The following SMAD3 variants were observed in gnomAD, a reference collection of about 807,000 sequenced individuals.
The protein encoded by SMAD3 is SMAD family member 3, also known as MAD homolog 3.
SMAD3 carries 12 observed loss-of-function variants against 51.8 expected under a neutral mutation model. That is an observed-to-expected ratio of 0.23 (90% CI 0.15 to 0.38). SMAD3 has a LOEUF of 0.38. SMAD3 is among the 10% of genes least tolerant of loss of function. SMAD3 has a pLI of 1.00. For synonymous variants in SMAD3, 238 were observed against 227.7 expected, an observed-to-expected ratio of 1.05 and a Z score of -0.41; for missense variants, 294 against 565.6, an observed-to-expected ratio of 0.52 and a Z score of 4.87.
At chr15:67,187,341 G>A (rs1274428367) in intron 7 of SMAD3, 24 bp from the exon 8 acceptor site, 2 of 1,614,164 alleles carry the variant, frequency 1.2e-6, no homozygotes, top group East Asian at 2.2e-5. Flanking sequence ...CATCCCCACA[G>A]CCCTGTTTCT....
At chr15:67,189,121 G>A (rs1013143950) in intron 8 of SMAD3, among the ~76,000 whole-genome samples, 4 of 152,226 alleles carry the variant, frequency 2.6e-5, no homozygotes, top group Admixed American at 6.5e-5. Flanking sequence ...GGGAACAGGA[G>A]TGAAAGGTTA....
At chr15:67,084,794 G>A (rs1461544385) in intron 1 of SMAD3, among the ~76,000 whole-genome samples, 1 of 152,156 alleles carries the variant, frequency 6.6e-6, no homozygotes, top group East Asian at 1.9e-4. Flanking sequence ...TCTAGGCACC[G>A]GCTGCATTCC....
chr15:67,114,119 T>G (rs546541354), intron 1 of SMAD3, among the ~76,000 whole-genome samples: 21 of 152,198 alleles, frequency 1.4e-4, no homozygotes, highest in Non-Finnish European at 2.8e-4. Flanking sequence ...TTGTGTGCCC[T>G]TGCCCTGAGA....
chr15:67,077,240 C>CGTAT (rs1181528571), intron 1 of SMAD3, among the ~76,000 whole-genome samples: 21 of 151,532 alleles, frequency 1.4e-4, no homozygotes, highest in South Asian at 6.2e-4. Flanking sequence ...TATGTATGTA[C>CGTAT]GTATGTATGT....
intron 1 of SMAD3, among the ~76,000 whole-genome samples, chr15:67,125,136 G>A (rs983021003): frequency 1.3e-5 from 2 of 152,176 alleles, no homozygotes; most frequent in Admixed American, 6.5e-5. Flanking sequence ...CTGGTGGCTG[G>A]GTGCATCCCC....
At chr15:67,124,414 C>G (rs16950615) in intron 1 of SMAD3, among the ~76,000 whole-genome samples, 11,678 of 151,032 alleles carry the variant, frequency 0.077, 610 homozygotes, top group East Asian at 0.26. Flanking sequence ...AACTTCACAA[C>G]CTGGGTCCAA....
chr15:67,156,332 G>T (rs8032802), intron 1 of SMAD3, among the ~76,000 whole-genome samples: 131,443 of 152,194 alleles, frequency 0.86, 56,806 homozygotes, highest in Middle Eastern at 0.89. Flanking sequence ...GAATATTAGA[G>T]GAGTATTTGG....
At chr15:67,109,742 C>T (rs193161411) in intron 1 of SMAD3, among the ~76,000 whole-genome samples, 169 of 152,290 alleles carry the variant, frequency 1.1e-3, no homozygotes, top group African/African-American at 3.8e-3. Flanking sequence ...TTCACATGAC[C>T]CCGCGTGCTG....
chr15:67,082,987 G>A (rs1463646703), intron 1 of SMAD3, among the ~76,000 whole-genome samples: 1 of 152,198 alleles, frequency 6.6e-6, no homozygotes, highest in Non-Finnish European at 1.5e-5. Context: ...CATGGGGTGG[G>A]CACTCCAGTA....
At chr15:67,069,809 G>A (rs1268256976) in intron 1 of SMAD3, among the ~76,000 whole-genome samples, 3 of 152,050 alleles carry the variant, frequency 2.0e-5, no homozygotes, top group African/African-American at 2.4e-5. Context: ...CGGTTCAAGC[G>A]ATTCTTGTGC....
intron 1 of SMAD3, among the ~76,000 whole-genome samples, chr15:67,068,392 G>T (rs928332582): frequency 1.2e-4 from 19 of 152,236 alleles, no homozygotes; most frequent in Middle Eastern, 3.2e-3. Context: ...TCTTTGGGCT[G>T]GTGATAGCTT....
intron 3 of SMAD3, chr15:67,166,135 G>A (rs999953120): frequency 3.0e-6 from 3 of 1,008,368 alleles, no homozygotes; most frequent in South Asian, 4.1e-5. Context: ...GAGTGTTAAG[G>A]AGGAGACCCA....
chr15:67,143,477 C>G (rs2033786), intron 1 of SMAD3, among the ~76,000 whole-genome samples: 32,570 of 152,186 alleles, frequency 0.21, 4,474 homozygotes, highest in Non-Finnish European at 0.32. Context: ...CCCTGTAGCC[C>G]AGGCTGGAGT....
chr15:67,159,465 G>A lies in SMAD3; in HGVS notation c.207-5430G>A, dbSNP rs960187593. ...GTACTGAACCATTATTTAAACTGAG[G>A]CTTATTAAGTCCATTGCCTTTTTTT... On this transcript the variant is annotated intron_variant, in intron 1 of 8. Transcript: ENST00000327367. Among the ~76,000 whole-genome samples, 20 of 152,154 alleles carry A rather than the reference G, an allele frequency of 1.3e-4. 1 individual carries two copies. The highest frequency in any genetic ancestry group is 4.8e-4 in the African/African-American group (20 of 41,502).
intron 1 of SMAD3, among the ~76,000 whole-genome samples, chr15:67,147,995 G>C (rs1962026562): frequency 6.6e-6 from 1 of 152,128 alleles, no homozygotes; most frequent in South Asian, 2.1e-4. Flanking sequence ...ATGTACAGTA[G>C]GGAAGAGGAA....
Position 67,191,035 on chromosome 15 carries a change from G to A in SMAD3, c.*499G>A, listed in dbSNP as rs1963349833. The A allele has an allele frequency of 2.2e-5, 5 of 224,932 alleles. No homozygotes were observed. Among genetic ancestry groups the A allele is most frequent in the African/African-American group, 9.2e-5 (4 of 43,366 alleles). The allele number at this position is 224,932 out of a possible 1,614,324, so 13.9% of individuals were successfully genotyped here. On this transcript the variant is annotated 3_prime_UTR_variant, in exon 9 of 9. Coordinates refer to ENST00000327367, the MANE Select transcript of SMAD3 (RefSeq NM_005902.4). ...TCTTCCAGTGAACATTCCCAGCCCA[G>A]CCCCGCCCCGCCCCGCCCCACCACT...
At chr15:67,080,527 G>A (rs897508921) in intron 1 of SMAD3, among the ~76,000 whole-genome samples, 6 of 152,172 alleles carry the variant, frequency 3.9e-5, no homozygotes, top group African/African-American at 1.2e-4. Flanking sequence ...AGTGCAACTT[G>A]GATGATATTT....
chr15:67,122,189 A>G (rs1005752562), intron 1 of SMAD3, among the ~76,000 whole-genome samples: 2 of 152,244 alleles, frequency 1.3e-5, no homozygotes, highest in East Asian at 3.8e-4. Flanking sequence ...ACTTAGAAGA[A>G]TGAACAGATG....
chr15:67,170,652 C>T, intron 5 of SMAD3, 48 bp downstream of exon 5: 1 of 1,558,948 alleles, frequency 6.4e-7, no homozygotes, highest in Non-Finnish European at 8.8e-7. Context: ...TAGCTGCAGC[C>T]CTGGCGAGTC....
Sources: gnomAD v4.1 joint callset for allele counts (sites outside exome capture counted in the v4.1 genomes callset) on GRCh38, gnomAD v4.1.1 for gene constraint, MANE v1.5 for transcripts, NCBI Gene and HGNC (gene_info 2026-07-23, HGNC 2026-07-21) for gene names.